EXOC2: variants seen among roughly 807,000 people sequenced by gnomAD.
The protein encoded by EXOC2 is exocyst complex component 2, also known as SEC5-like 1.
Under a neutral mutation model 131.8 loss-of-function variants are expected in EXOC2, and 70 were observed. The observed-to-expected ratio is 0.53, with a 90% confidence interval of 0.44 to 0.65. The LOEUF is 0.65. EXOC2 is among the 30% of genes least tolerant of loss of function. The pLI, the probability that EXOC2 is intolerant of heterozygous loss-of-function variation, is 0.00. For synonymous variants in EXOC2, 411 were observed against 398.4 expected (o/e 1.03, Z -0.38); for missense variants, 923 against 1,108.6 (o/e 0.83, Z 2.38).
intron 1 of EXOC2, among the ~76,000 whole-genome samples, chr6:643,976 G>A (rs974639729): frequency 1.3e-5 from 2 of 151,954 alleles, no homozygotes; most frequent in Non-Finnish European, 2.9e-5. Context: ...TAAACAAGAT[G>A]AAATAGAAAA....
chr6:533,108 G>A (rs190762294), intron 22 of EXOC2, among the ~76,000 whole-genome samples: 131 of 152,176 alleles, frequency 8.6e-4, no homozygotes, highest in Admixed American at 1.6e-3. Flanking sequence ...TGGGGGAAAC[G>A]GCCACTACGA....
At chr6:581,140 C>CA (rs1758871815) in intron 11 of EXOC2, among the ~76,000 whole-genome samples, 1 of 151,478 alleles carries the variant, frequency 6.6e-6, no homozygotes, top group South Asian at 2.1e-4. Context: ...ACTAAAAATA[C>CA]AAAAAAATTA....
intron 13 of EXOC2, among the ~76,000 whole-genome samples, chr6:569,403 T>A (rs1424140860): frequency 1.3e-5 from 2 of 152,250 alleles, no homozygotes; most frequent in Non-Finnish European, 2.9e-5. Context: ...GACTATTTTT[T>A]AAACTGTTGG....
intron 23 of EXOC2, among the ~76,000 whole-genome samples, chr6:510,872 T>C (rs1764807007): frequency 6.6e-6 from 1 of 152,234 alleles, no homozygotes; most frequent in South Asian, 2.1e-4. Context: ...AAAGTGAAAG[T>C]GACAAGAAAA....
intron 4 of EXOC2, among the ~76,000 whole-genome samples, chr6:622,077 G>A (rs998269527): frequency 2.0e-5 from 3 of 152,204 alleles, no homozygotes; most frequent in Admixed American, 6.5e-5. Context: ...GAGGGATCAC[G>A]GGCTTTGTCT....
chr6:563,892 A>G (rs1421264596), intron 16 of EXOC2, 141 bp downstream of exon 16: 2 of 1,203,844 alleles, frequency 1.7e-6, no homozygotes, highest in Non-Finnish European at 2.2e-6. Context: ...CTTATTGAGC[A>G]GCTAGAAATA....
intron 22 of EXOC2, among the ~76,000 whole-genome samples, chr6:545,486 ACTCT>A (rs1756799398): frequency 6.6e-6 from 1 of 152,246 alleles, no homozygotes; most frequent in South Asian, 2.1e-4. Context: ...ATGTATCTTA[ACTCT>A]CTAAGAGCCT....
chr6:609,801 C>T (rs186118502), intron 7 of EXOC2, among the ~76,000 whole-genome samples: 25 of 152,274 alleles, frequency 1.6e-4, no homozygotes, highest in Non-Finnish European at 3.4e-4. Flanking sequence ...TCAGTGCTTT[C>T]CTCGCTTTGA....
chr6:528,070 C>A (rs1193393405), intron 23 of EXOC2, among the ~76,000 whole-genome samples: 1 of 152,068 alleles, frequency 6.6e-6, no homozygotes, highest in East Asian at 1.9e-4. Flanking sequence ...TTTTGTGACT[C>A]AGAACTAACT....
chr6:554,029 G>T, intron 20 of EXOC2, 109 bp from the exon 21 acceptor site: 1 of 871,304 alleles, frequency 1.1e-6, no homozygotes, highest in Non-Finnish European at 1.8e-6. Context: ...GAAAACATTT[G>T]GTGAAAGTCA....
At position 598,140 on chromosome 6, in the gene EXOC2, G is replaced by T; in HGVS notation, c.971-17C>A. ...CAGCATAATCTATTTAAAAAGAAAA[G>T]AATACACAAGATTTACAGAATGAAA... On this transcript the variant is annotated splice_polypyrimidine_tract_variant and intron_variant, in intron 9 of 27. Transcript: ENST00000230449. 6.4e-7 allele frequency: 1 copy of T among 1,554,382 alleles called. No homozygotes were observed. The highest frequency in any genetic ancestry group is 1.2e-5 in the South Asian group (1 of 85,856).
intron 1 of EXOC2, among the ~76,000 whole-genome samples, chr6:672,812 A>C (rs1581667386): frequency 6.6e-6 from 1 of 152,314 alleles, no homozygotes; most frequent in East Asian, 1.9e-4. Flanking sequence ...AAGCTCCTAC[A>C]TCTCTGACCA....
chr6:550,033 A>G (rs1185249267), intron 21 of EXOC2, among the ~76,000 whole-genome samples: 1 of 152,236 alleles, frequency 6.6e-6, no homozygotes, highest in Non-Finnish European at 1.5e-5. Flanking sequence ...TTCACAGTTC[A>G]AGACTACCTG....
intron 23 of EXOC2, among the ~76,000 whole-genome samples, chr6:530,973 A>C (rs1275008185): frequency 6.6e-6 from 1 of 152,258 alleles, no homozygotes; most frequent in African/African-American, 2.4e-5. Context: ...TAAAGCATAC[A>C]GGAGGATGTG....
At chr6:492,624 G>A (rs538412371) in intron 25 of EXOC2, among the ~76,000 whole-genome samples, 13 of 152,250 alleles carry the variant, frequency 8.5e-5, no homozygotes, top group African/African-American at 2.9e-4. Context: ...GAAACATTAC[G>A]CTACATGAAA....
At position 553,926 on chromosome 6, in the gene EXOC2, C is replaced by G. The variant is rs764961811; in HGVS notation, c.2055-6G>C. On this transcript the variant is annotated splice_polypyrimidine_tract_variant and splice_region_variant and intron_variant, in intron 20 of 27. Coordinates refer to ENST00000230449, the MANE Select transcript of EXOC2 (RefSeq NM_018303.6). ...AAGAAACATCAACAGAGAGACTGAA[C>G]ATAGAAGCAAGTAGGAACAGTTACA... 1 of 1,612,678 alleles carries G rather than the reference C, an allele frequency of 6.2e-7. No individual in the cohort carries two copies. Among genetic ancestry groups the G allele is most frequent in the Non-Finnish European group, 8.5e-7 (1 of 1,178,848 alleles).
chr6:629,311 C>A lies in EXOC2; in HGVS notation c.422+524G>T, dbSNP rs150124530. Among the ~76,000 whole-genome samples, 6 of 152,222 alleles carry A rather than the reference C, an allele frequency of 3.9e-5. No homozygotes were observed. In the East Asian group the frequency reaches 1.2e-3, roughly 29 times the overall value. ...TTATAAAAGTTACTAAAACACTGTA[C>A]TAGGAATTCAGAAAAAAACTCTAGA... On this transcript the variant is annotated intron_variant, in intron 4 of 27. Coordinates refer to ENST00000230449, the MANE Select transcript of EXOC2 (RefSeq NM_018303.6).
chr6:612,780 G>A (rs1181990204), intron 6 of EXOC2, among the ~76,000 whole-genome samples: 3 of 151,554 alleles, frequency 2.0e-5, no homozygotes, highest in Non-Finnish European at 4.4e-5. Flanking sequence ...AGAGCGCAGG[G>A]AGGAACATGC....
chr6:638,888 C>T (rs1488821785), intron 1 of EXOC2, among the ~76,000 whole-genome samples: 1 of 152,122 alleles, frequency 6.6e-6, no homozygotes, highest in East Asian at 1.9e-4. Flanking sequence ...GAGATTGCGC[C>T]ACTGCACTCT....
Sources: gnomAD v4.1 joint callset for allele counts (sites outside exome capture counted in the v4.1 genomes callset) on GRCh38, gnomAD v4.1.1 for gene constraint, MANE v1.5 for transcripts, NCBI Gene and HGNC (gene_info 2026-07-23, HGNC 2026-07-21) for gene names.